The following HCN1 variants were observed in gnomAD, a reference collection of about 807,000 sequenced individuals.
The protein encoded by HCN1 is potassium/sodium hyperpolarization-activated cyclic nucleotide-gated channel 1.
HCN1 carries 13 observed loss-of-function variants against 78.9 expected under a neutral mutation model. The observed-to-expected ratio is 0.16, with a 90% CI of 0.11 to 0.26. The LOEUF (loss-of-function observed/expected upper bound fraction) is 0.26, where lower values mean the gene tolerates loss of function less well. HCN1 is among the 10% of genes least tolerant of loss of function. HCN1 has a pLI of 1.00. For synonymous variants in HCN1, 552 were observed against 455.5 expected, an observed-to-expected ratio of 1.21 and a Z score of -2.70; for missense variants, 810 against 1,154.3, an observed-to-expected ratio of 0.70 and a Z score of 4.32.
chr5:45,630,048 C>A (rs1745242501), intron 2 of HCN1, among the ~76,000 whole-genome samples: 1 of 152,136 alleles, frequency 6.6e-6, no homozygotes, highest in African/African-American at 2.4e-5. Context: ...CCAGTTCCTG[C>A]TAATACCTAA....
chr5:45,472,364 C>T (rs141867259), intron 2 of HCN1, among the ~76,000 whole-genome samples: 6 of 151,918 alleles, frequency 3.9e-5, no homozygotes, highest in Non-Finnish European at 8.8e-5. Context: ...GTGTTTAATG[C>T]ATTGCTATAA....
intron 4 of HCN1, among the ~76,000 whole-genome samples, chr5:45,392,710 C>T (rs1212955183): frequency 2.0e-5 from 3 of 151,250 alleles, no homozygotes; most frequent in South Asian, 4.2e-4. Flanking sequence ...TGCTGGAACT[C>T]GGGAGGTGCA....
chr5:45,330,680 T>C (rs972298774), intron 5 of HCN1, among the ~76,000 whole-genome samples: 1 of 151,016 alleles, frequency 6.6e-6, no homozygotes, highest in African/African-American at 2.4e-5. Flanking sequence ...TTCAGTGAGA[T>C]AGCTTTGCAA....
intron 2 of HCN1, chr5:45,559,625 G>A (rs1743553161): frequency 1.3e-5 from 2 of 152,202 alleles, no homozygotes; most frequent in African/African-American, 4.8e-5. Flanking sequence ...CAACTTGAGA[G>A]CAGAGAGTCA....
intron 3 of HCN1, among the ~76,000 whole-genome samples, chr5:45,399,061 G>T (rs1286433501): frequency 6.6e-6 from 1 of 152,168 alleles, no homozygotes; most frequent in African/African-American, 2.4e-5. Context: ...GATACTACAG[G>T]GATGGTCCCT....
At chr5:45,330,926 C>T (rs774798944) in intron 5 of HCN1, among the ~76,000 whole-genome samples, 8 of 151,278 alleles carry the variant, frequency 5.3e-5, no homozygotes, top group Admixed American at 1.3e-4. Flanking sequence ...AAGCCACTTG[C>T]AAAAACTTTA....
intron 2 of HCN1, among the ~76,000 whole-genome samples, chr5:45,531,018 T>C (rs529627936): frequency 6.6e-6 from 1 of 151,886 alleles, no homozygotes; most frequent in South Asian, 2.1e-4. Flanking sequence ...ATATGGGGTG[T>C]AGTTTCTGGA....
chr5:45,669,243 C>G (rs1436970992), intron 1 of HCN1, among the ~76,000 whole-genome samples: 1 of 151,748 alleles, frequency 6.6e-6, no homozygotes, highest in Admixed American at 6.6e-5. Context: ...GAGATGGAGT[C>G]AGGAGTCTTT....
intron 2 of HCN1, among the ~76,000 whole-genome samples, chr5:45,629,156 A>G (rs1745226011): frequency 6.6e-6 from 1 of 152,114 alleles, no homozygotes; most frequent in African/African-American, 2.4e-5. Context: ...CTAACTATGT[A>G]TGAAATTAAC....
intron 4 of HCN1, among the ~76,000 whole-genome samples, chr5:45,366,082 T>A (rs1747228801): frequency 6.6e-6 from 1 of 151,708 alleles, no homozygotes; most frequent in Non-Finnish European, 1.5e-5. Flanking sequence ...TTTAGAGCAA[T>A]AATTTAGATA....
chr5:45,397,452 A>T (rs1739707698), intron 3 of HCN1, among the ~76,000 whole-genome samples: 1 of 151,816 alleles, frequency 6.6e-6, no homozygotes, highest in South Asian at 2.1e-4. Context: ...GATGTCATTT[A>T]AAAAAAATTG....
chr5:45,279,259 T>C (rs1332829692), intron 6 of HCN1, among the ~76,000 whole-genome samples: 1 of 152,158 alleles, frequency 6.6e-6, no homozygotes, highest in Admixed American at 6.6e-5. Context: ...TTGGTCAACA[T>C]GATAAAAAGG....
chr5:45,613,807 G>GA (rs957169806), intron 2 of HCN1, among the ~76,000 whole-genome samples: 10 of 150,702 alleles, frequency 6.6e-5, no homozygotes, highest in Admixed American at 2.0e-4. Flanking sequence ...AGTAAAATTA[G>GA]AAAAAAAAAC....
At chr5:45,522,194 T>C (rs1417955348) in intron 2 of HCN1, among the ~76,000 whole-genome samples, 2 of 151,956 alleles carry the variant, frequency 1.3e-5, no homozygotes, top group Admixed American at 6.6e-5. Context: ...CCTAAGTTGT[T>C]AAAAAAAGTC....
intron 2 of HCN1, among the ~76,000 whole-genome samples, chr5:45,593,342 A>T (rs201085184): frequency 2.8e-4 from 28 of 99,232 alleles, no homozygotes; most frequent in African/African-American, 6.6e-4. Context: ...TCTCTCTCTC[A>T]CACACACACA....
chr5:45,398,271 A>C (rs1282851340), intron 3 of HCN1, among the ~76,000 whole-genome samples: 1 of 152,100 alleles, frequency 6.6e-6, no homozygotes, highest in Non-Finnish European at 1.5e-5. Flanking sequence ...ACAGATTTAC[A>C]TGCAAGTTAT....
intron 3 of HCN1, among the ~76,000 whole-genome samples, chr5:45,441,958 AT>A (rs1740688219): frequency 1.3e-5 from 2 of 152,236 alleles, no homozygotes; most frequent in African/African-American, 4.8e-5. Context: ...TTTTAATATT[AT>A]TTTTTCCCTT....
At chr5:45,310,101 C>T (rs1052458454) in intron 5 of HCN1, among the ~76,000 whole-genome samples, 4 of 151,966 alleles carry the variant, frequency 2.6e-5, no homozygotes, top group Admixed American at 1.3e-4. Context: ...AGGACATAAA[C>T]ACGAGCAAAG....
At chr5:45,614,077 T>C (rs577095601) in intron 2 of HCN1, among the ~76,000 whole-genome samples, 8 of 152,302 alleles carry the variant, frequency 5.3e-5, no homozygotes, top group Non-Finnish European at 1.0e-4. Flanking sequence ...ATACTGTTTT[T>C]CCTGTATGGC....
Sources: gnomAD v4.1 joint callset for allele counts (sites outside exome capture counted in the v4.1 genomes callset) on GRCh38, gnomAD v4.1.1 for gene constraint, MANE v1.5 for transcripts, NCBI Gene and HGNC (gene_info 2026-07-23, HGNC 2026-07-21) for gene names.